Variants in RASSF1 observed in about 807,000 individuals in gnomAD.
RASSF1 encodes Ras association domain family member 1, also known as ras association domain-containing protein 1.
RASSF1 carries 33 observed loss-of-function variants against 34.3 expected under a neutral mutation model. The observed-to-expected ratio is 0.96, with a 90% CI of 0.73 to 1.29. The LOEUF (loss-of-function observed/expected upper bound fraction) is 1.29, where lower values mean the gene tolerates loss of function less well. Ranked by LOEUF, RASSF1 falls within the 50% of genes most tolerant of loss-of-function variation. The pLI is 0.00. For synonymous variants in RASSF1, 191 were observed against 195.0 expected, an observed-to-expected ratio of 0.98 and a Z score of 0.17; for missense variants, 445 against 471.8, an observed-to-expected ratio of 0.94 and a Z score of 0.53.
intron 2 of RASSF1, chr3:50,337,064 GC>G: frequency 7.4e-7 from 1 of 1,351,578 alleles, no homozygotes; most frequent in Non-Finnish European, 9.7e-7. Flanking sequence ...GAGCCACGTA[GC>G]CAGGAGGGTG....
intron 1 of RASSF1, 58 bp from the exon 2 acceptor site, chr3:50,338,069 G>T: frequency 6.5e-7 from 1 of 1,537,564 alleles, no homozygotes; most frequent in Non-Finnish European, 8.8e-7. Context: ...ATGTCCCGGA[G>T]ATTGAAGGGA....
At chr3:50,333,755 C>T (rs1703028012) in intron 2 of RASSF1, among the ~76,000 whole-genome samples, 1 of 152,190 alleles carries the variant, frequency 6.6e-6, no homozygotes, top group Admixed American at 6.5e-5. Flanking sequence ...GCTGGGATTA[C>T]AGGCGTGAAC....
chr3:50,337,544 C>G, intron 2 of RASSF1: 1 of 1,486,468 alleles, frequency 6.7e-7, no homozygotes, highest in Non-Finnish European at 9.0e-7. Context: ...ATGACCTCAT[C>G]GCTCCGGAGC....
At position 50,331,556 on chromosome 3, in the gene RASSF1, C is replaced by T; in HGVS notation, c.760+3G>A. 1.3e-6 allele frequency: 2 copies of T among 1,585,066 alleles called. No individual in the cohort carries two copies. The highest frequency in any genetic ancestry group is 1.7e-6 in the Non-Finnish European group (2 of 1,158,330). Reference sequence around the variant, plus strand: ...ATAGGGCAGGGTGGGGTGGGAAGCCCACCTTGGCCGTGACGCTCAGCGCGC... The same window carrying T: ...ATAGGGCAGGGTGGGGTGGGAAGCCTACCTTGGCCGTGACGCTCAGCGCGC... On this transcript the variant is annotated splice_donor_region_variant and intron_variant, in intron 4 of 5. Coordinates refer to ENST00000359365, the MANE Select transcript of RASSF1 (RefSeq NM_007182.5).
At chr3:50,333,067 C>A (rs1388788773) in intron 2 of RASSF1, among the ~76,000 whole-genome samples, 1 of 151,972 alleles carries the variant, frequency 6.6e-6, no homozygotes, top group Non-Finnish European at 1.5e-5. Flanking sequence ...GCACTCCAGC[C>A]TGGGCAACAA....
Position 50,331,417 on chromosome 3 carries a change from G to A in RASSF1, c.793C>T (p.Pro265Ser). The A allele has an allele frequency of 6.2e-7, 1 of 1,603,540 alleles. No homozygotes were observed. Among genetic ancestry groups the A allele is most frequent in the Non-Finnish European group, 8.5e-7 (1 of 1,173,392 alleles). Residue 265 changes from proline (P) to serine (S), a missense_variant, in exon 5 of 6, where the codon CCC (proline) becomes TCC (serine). Physicochemically the swap from Pro to Ser is moderately conservative, Grantham distance 74. Coordinates refer to ENST00000359365, the MANE Select transcript of RASSF1 (RefSeq NM_007182.5). Reference sequence around the variant, plus strand: ...CCTGCCAGGAGCCGCAGCCGCAGGGGCTGCTCATCATCCAACAGCTTCCGC... The same window carrying A: ...CCTGCCAGGAGCCGCAGCCGCAGGGACTGCTCATCATCCAACAGCTTCCGC... Reference protein sequence around the residue: ...YLRKLLDDEQPLRLRLLAGPS... With the variant: ...YLRKLLDDEQSLRLRLLAGPS...
At chr3:50,340,529 T>C in intron 1 of RASSF1, 27 bp downstream of exon 1, 1 of 1,455,960 alleles carries the variant, frequency 6.9e-7, no homozygotes, top group Non-Finnish European at 9.0e-7. Flanking sequence ...CCTTCCGCTC[T>C]CGTAGGCGCG....
chr3:50,332,168 C>T lies in RASSF1; in HGVS notation c.358-14G>A, dbSNP rs764345369. 1 of 1,612,120 alleles carries T rather than the reference C, an allele frequency of 6.2e-7. No homozygotes were observed. The highest frequency in any genetic ancestry group is 8.5e-7 in the Non-Finnish European group (1 of 1,178,254). ...CACAGGCTCGTCCTGCAAGATGGGC[C>T]AGCATGGACACAGGGCCCTTGAGGA... On this transcript the variant is annotated splice_polypyrimidine_tract_variant and intron_variant, in intron 2 of 5. Transcript: ENST00000359365.
intron 2 of RASSF1, 33 bp downstream of exon 2, chr3:50,337,872 G>C: frequency 2.6e-6 from 4 of 1,534,560 alleles, no homozygotes; most frequent in Non-Finnish European, 3.6e-6. Flanking sequence ...GCCCATCCTC[G>C]CCCTTCCCAT....
intron 2 of RASSF1, among the ~76,000 whole-genome samples, chr3:50,335,627 T>C (rs182423128): frequency 6.6e-6 from 1 of 152,252 alleles, no homozygotes; most frequent in Non-Finnish European, 1.5e-5. Flanking sequence ...CCTTCTTTCT[T>C]TTTTTTGAGA....
rs780816211 is a variant in RASSF1, at chr3:50,340,820, C to A, written c.-15G>T. 1 of 1,458,686 alleles carries A rather than the reference C, an allele frequency of 6.9e-7. No homozygotes were observed. Among genetic ancestry groups the A allele is most frequent in the Non-Finnish European group, 9.0e-7 (1 of 1,109,824 alleles). 90.4% of individuals were successfully genotyped at this position (1,458,686 alleles called of 1,614,324 possible). ...TCCCCCGACATGGCCCGGTTGGGCC[C>A]GTGCTTCGCTGGCTTTGGGCGCTAG... On this transcript the variant is annotated 5_prime_UTR_variant, in exon 1 of 6. Coordinates refer to ENST00000359365, the MANE Select transcript of RASSF1 (RefSeq NM_007182.5).
chr3:50,337,939 C>T lies in RASSF1; in HGVS notation c.323G>A (p.Gly108Asp), dbSNP rs1214328612. The change falls in exon 2 of 6, where the codon GGC (glycine) becomes GAC (aspartate). Residue 108 changes from glycine to aspartate, a missense_variant. Coordinates refer to ENST00000359365, the MANE Select transcript of RASSF1 (RefSeq NM_007182.5). ...CLDCCGPRDL[G>D]WEPAVERDTN... Reference sequence around the variant, plus strand: ...GTCCCGCTCCACCGCGGGTTCCCAGCCCAGGTCCCGGGGCCCGCAACAGTC... The same window carrying T: ...GTCCCGCTCCACCGCGGGTTCCCAGTCCAGGTCCCGGGGCCCGCAACAGTC... 3.1e-6 allele frequency: 5 copies of T among 1,612,178 alleles called. No individual in the cohort carries two copies. Among genetic ancestry groups the T allele is most frequent in the Non-Finnish European group, 4.2e-6 (5 of 1,179,268 alleles).
chr3:50,332,280 T>A (rs908375512), intron 2 of RASSF1, 126 bp from the exon 3 acceptor site: 2 of 715,500 alleles, frequency 2.8e-6, no homozygotes, highest in South Asian at 3.4e-5. Context: ...TACATATACA[T>A]AGCTGGTGCC....
intron 1 of RASSF1, 114 bp downstream of exon 1, chr3:50,340,442 T>A: frequency 7.6e-7 from 1 of 1,312,934 alleles, no homozygotes; most frequent in Non-Finnish European, 9.8e-7. Context: ...GTAACGGACC[T>A]AGTCCTCGGG....
chr3:50,339,864 A>T (rs1703298584), intron 1 of RASSF1, among the ~76,000 whole-genome samples: 1 of 152,060 alleles, frequency 6.6e-6, no homozygotes, highest in South Asian at 2.1e-4. Context: ...AGTTTTTAAA[A>T]TTTACTGATG....
In RASSF1 at chr3:50,337,555, T is replaced by C. The variant is rs74352111; in HGVS notation, c.357+350A>G. The C allele has an allele frequency of 2.3e-5, 33 of 1,459,854 alleles. No homozygotes were observed. In the African/African-American group the frequency reaches 3.9e-4, roughly 17 times the overall value. The allele number at this position is 1,459,854 out of a possible 1,614,324, so 90.4% of individuals were successfully genotyped here. A position where few individuals can be genotyped will look rare whatever the true frequency, so the allele number is the denominator to read the frequency against. On this transcript the variant is annotated intron_variant, in intron 2 of 5. Transcript: ENST00000359365. ...AGGAATGACCTCATCGCTCCGGAGC[T>C]CCACTCACAGACCCCACCTACCACA...
At chr3:50,334,329 A>G (rs1347568077) in intron 2 of RASSF1, among the ~76,000 whole-genome samples, 1 of 152,244 alleles carries the variant, frequency 6.6e-6, no homozygotes, top group East Asian at 1.9e-4. Flanking sequence ...TGGATGGAGA[A>G]GAGCACTGGA....
Position 50,331,604 on chromosome 3 carries a change from G to A in RASSF1, c.715C>T (p.Pro239Ser), listed in dbSNP as rs587768710. The change falls in exon 4 of 6, where the codon CCC (proline) becomes TCC (serine). Residue 239 changes from proline (P) to serine (S), a missense_variant. Coordinates refer to ENST00000359365, the MANE Select transcript of RASSF1 (RefSeq NM_007182.5). ...CGCTCAAAGAGTGCAAACTTGCGGG[G>A]GTCATCCACCACCAAGAACTTTCGC... Reference protein sequence around the residue: ...LLRKFLVVDDPRKFALFERAE... With the variant: ...LLRKFLVVDDSRKFALFERAE... 22 of 1,604,260 alleles carry A rather than the reference G, an allele frequency of 1.4e-5. No individual in the cohort carries two copies. In the African/African-American group the frequency reaches 2.4e-4, roughly 18 times the overall value.
intron 2 of RASSF1, chr3:50,337,375 C>G (rs990079979): frequency 6.9e-6 from 11 of 1,598,324 alleles, no homozygotes; most frequent in South Asian, 1.1e-5. Flanking sequence ...ACCACCGCCC[C>G]GGTCGCGTGC....
Sources: allele counts gnomAD v4.1 joint callset (sites outside exome capture counted in the v4.1 genomes callset), GRCh38; gene constraint gnomAD v4.1.1; transcripts MANE v1.5; gene names NCBI Gene and HGNC (gene_info 2026-07-23, HGNC 2026-07-21).